NPAS3: variants seen among roughly 807,000 people sequenced by gnomAD.
NPAS3 encodes neuronal PAS domain protein 3.
In NPAS3, 14 loss-of-function variants were observed where a neutral mutation model predicts 73.1. The observed-to-expected ratio is 0.19, with a 90% CI of 0.13 to 0.30. The LOEUF is 0.30. Ranked by LOEUF, NPAS3 falls within the 10% of genes least tolerant of loss-of-function variation. The pLI, the probability that NPAS3 is intolerant of heterozygous loss-of-function variation, is 1.00. For synonymous variants in NPAS3, 620 were observed against 541.5 expected, an observed-to-expected ratio of 1.14 and a Z score of -2.01; for missense variants, 1,096 against 1,250.0, an observed-to-expected ratio of 0.88 and a Z score of 1.86.
At chr14:33,505,977 C>A (rs866806358) in intron 4 of NPAS3, among the ~76,000 whole-genome samples, 1 of 151,936 alleles carries the variant, frequency 6.6e-6, no homozygotes, top group Middle Eastern at 3.2e-3. Flanking sequence ...CTTCCTCCAG[C>A]CCCATATCCA....
At chr14:33,224,508 C>T (rs565672290) in intron 3 of NPAS3, among the ~76,000 whole-genome samples, 2 of 152,104 alleles carry the variant, frequency 1.3e-5, no homozygotes, top group East Asian at 3.9e-4. Context: ...GTCAGAACCT[C>T]AGCATTCTAA....
chr14:33,263,338 G>T (rs1246536764), intron 3 of NPAS3, among the ~76,000 whole-genome samples: 1 of 152,146 alleles, frequency 6.6e-6, no homozygotes, highest in Non-Finnish European at 1.5e-5. Context: ...TTCTACGTAT[G>T]GCTAACCAGT....
intron 4 of NPAS3, among the ~76,000 whole-genome samples, chr14:33,554,050 G>A (rs1343982345): frequency 1.3e-5 from 2 of 152,184 alleles, no homozygotes; most frequent in Non-Finnish European, 2.9e-5. Context: ...TTTAACTGCT[G>A]CCAAAACAGA....
At chr14:33,016,005 A>G (rs1431348074) in intron 1 of NPAS3, among the ~76,000 whole-genome samples, 1 of 152,160 alleles carries the variant, frequency 6.6e-6, no homozygotes, top group Non-Finnish European at 1.5e-5. Context: ...AATTGTTGGG[A>G]TTGTAAAACT....
chr14:33,223,027 G>C (rs189974714), intron 3 of NPAS3, among the ~76,000 whole-genome samples: 82 of 152,228 alleles, frequency 5.4e-4, no homozygotes, highest in African/African-American at 1.8e-3. Context: ...ACATGCAGAG[G>C]AGGCGCAGGT....
intron 2 of NPAS3, among the ~76,000 whole-genome samples, chr14:33,078,063 C>T (rs946745178): frequency 1.3e-5 from 2 of 151,710 alleles, no homozygotes; most frequent in Non-Finnish European, 2.9e-5. Context: ...CGCCTGAACC[C>T]GGGAAGTGGA....
intron 1 of NPAS3, among the ~76,000 whole-genome samples, chr14:32,979,764 G>A (rs2037825802): frequency 6.6e-6 from 1 of 152,026 alleles, no homozygotes; most frequent in Non-Finnish European, 1.5e-5. Flanking sequence ...TTTTTTTCTT[G>A]TAATGATCAG....
At chr14:33,447,125 C>G (rs1327344097) in intron 4 of NPAS3, among the ~76,000 whole-genome samples, 3 of 152,218 alleles carry the variant, frequency 2.0e-5, no homozygotes, top group Non-Finnish European at 2.9e-5. Context: ...TGAGTGCTAT[C>G]ACATGGGCAT....
At chr14:33,271,298 T>C (rs183690749) in intron 3 of NPAS3, among the ~76,000 whole-genome samples, 1 of 152,220 alleles carries the variant, frequency 6.6e-6, no homozygotes, top group African/African-American at 2.4e-5. Context: ...ACGGGATAGG[T>C]CAGAGAATTT....
intron 9 of NPAS3, among the ~76,000 whole-genome samples, chr14:33,780,003 G>T (rs773915653): frequency 6.6e-6 from 1 of 152,048 alleles, no homozygotes; most frequent in Non-Finnish European, 1.5e-5. Context: ...TCTTCATTTC[G>T]AACTCAGAAA....
intron 2 of NPAS3, among the ~76,000 whole-genome samples, chr14:33,075,916 T>A (rs915574483): frequency 1.7e-4 from 26 of 152,348 alleles, no homozygotes; most frequent in Admixed American, 1.1e-3. Context: ...TGTTTTTAGA[T>A]CATTCTCAAT....
chr14:33,392,759 T>C (rs1169837813), intron 4 of NPAS3, among the ~76,000 whole-genome samples: 5 of 152,150 alleles, frequency 3.3e-5, no homozygotes, highest in African/African-American at 1.2e-4. Context: ...CCGCTCGTGT[T>C]ACCCTTACTC....
chr14:33,139,961 AAG>A (rs1480389689), intron 2 of NPAS3, among the ~76,000 whole-genome samples: 3 of 151,966 alleles, frequency 2.0e-5, no homozygotes, highest in Non-Finnish European at 2.9e-5. Flanking sequence ...TTTCAAGAGA[AAG>A]AGTTGCTGAA....
chr14:33,070,596 A>G (rs1566528139), intron 2 of NPAS3, among the ~76,000 whole-genome samples: 1 of 152,188 alleles, frequency 6.6e-6, no homozygotes, highest in Non-Finnish European at 1.5e-5. Flanking sequence ...TTTGTGGATC[A>G]TTGTTTGAAA....
intron 4 of NPAS3, among the ~76,000 whole-genome samples, chr14:33,428,910 A>G (rs1419262126): frequency 6.6e-6 from 1 of 152,178 alleles, no homozygotes; most frequent in Non-Finnish European, 1.5e-5. Flanking sequence ...AATTAGATCC[A>G]TAGATCGCCT....
At chr14:33,798,956 C>A (rs755359914) in intron 11 of NPAS3, among the ~76,000 whole-genome samples, 3 of 130,632 alleles carry the variant, frequency 2.3e-5, no homozygotes, top group Admixed American at 9.1e-5. Flanking sequence ...GCCTGGGCAA[C>A]GTGGCAAGAC....
chr14:33,427,606 C>T (rs1276066221), intron 4 of NPAS3, among the ~76,000 whole-genome samples: 1 of 151,714 alleles, frequency 6.6e-6, no homozygotes, highest in Non-Finnish European at 1.5e-5. Context: ...AGACTGTGTT[C>T]CTGTTGAACT....
chr14:33,335,749 A>G (rs566973895), intron 3 of NPAS3, among the ~76,000 whole-genome samples: 1 of 152,290 alleles, frequency 6.6e-6, no homozygotes, highest in African/African-American at 2.4e-5. Context: ...TATGCCCCTT[A>G]TAGCATACTA....
chr14:33,144,090 C>A (rs949840003), intron 2 of NPAS3, among the ~76,000 whole-genome samples: 2 of 152,096 alleles, frequency 1.3e-5, no homozygotes, highest in Non-Finnish European at 2.9e-5. Flanking sequence ...CTGGAATTGC[C>A]GGGTCATGTG....
Sources: allele counts gnomAD v4.1 joint callset (sites outside exome capture counted in the v4.1 genomes callset), GRCh38; gene constraint gnomAD v4.1.1; transcripts MANE v1.5; gene names NCBI Gene and HGNC (gene_info 2026-07-23, HGNC 2026-07-21).